The following C11orf21 variants were observed in gnomAD, a reference collection of about 807,000 sequenced individuals.
C11orf21 encodes chromosome 11 open reading frame 21, also known as uncharacterized protein C11orf21.
In C11orf21, 19 loss-of-function variants were observed where a neutral mutation model predicts 15.2. That is an observed-to-expected ratio of 1.25 (90% CI 0.87 to 1.84). The LOEUF is 1.84. C11orf21 is among the 40% of genes most tolerant of loss of function. The pLI, the probability that C11orf21 is intolerant of heterozygous loss-of-function variation, is 0.00. For missense variants in C11orf21, 171 were observed against 174.4 expected (o/e 0.98, Z 0.11); for synonymous variants, 62 against 66.8 (o/e 0.93, Z 0.35).
chr11:2,298,641 G>A (rs1021553433), intron 3 of C11orf21, among the ~76,000 whole-genome samples: 1 of 152,134 alleles, frequency 6.6e-6, no homozygotes, highest in Non-Finnish European at 1.5e-5. Context: ...CCACCCCCAC[G>A]GGGTGCCGAG....
chr11:2,302,274 G>A (rs1185261477), upstream of C11orf21: 3 of 1,330,478 alleles, frequency 2.3e-6, no homozygotes, highest in African/African-American at 1.5e-5. Context: ...GGTGAGGGGT[G>A]GCAGGGCCTC....
In C11orf21 at chr11:2,299,523, A is replaced by C; in HGVS notation, c.332T>G (p.Leu111Ter). 3.2e-6 allele frequency: 5 copies of C among 1,550,590 alleles called. No individual in the cohort carries two copies. The highest frequency in any genetic ancestry group is 4.4e-6 in the Non-Finnish European group (5 of 1,146,972). Reference protein sequence around the residue: ...LAIRLGWDLDLEAGPSSGKLC... With the variant: ...LAIRLGWDLD ...CTTTCCAGAGGAGGGGCCTGCTTCT[A>C]AGTCCAAGTCCCATCCCAGCCGGAT... Residue 111 changes from leucine (L) to a stop codon, truncating the protein, a stop_gained, in exon 3 of 4, where the codon TTA becomes TGA. Coordinates refer to ENST00000381153, the MANE Select transcript of C11orf21 (RefSeq NM_001329958.2). LOFTEE classifies it high-confidence loss of function.
chr11:2,301,629 T>C, intron 1 of C11orf21, 127 bp downstream of exon 1: 1 of 788,812 alleles, frequency 1.3e-6, no homozygotes, highest in East Asian at 2.8e-5. Flanking sequence ...TCACAGGACA[T>C]TTCAAAGGGT....
At chr11:2,302,006 C>T (rs367779477), upstream of C11orf21, 76 of 1,508,060 alleles carry the variant, frequency 5.0e-5, no homozygotes, top group African/African-American at 7.7e-4. Flanking sequence ...CCCAGCAGCT[C>T]GGTCCTAGGG....
At position 2,297,518 on chromosome 11, in the gene C11orf21, T is replaced by C. The variant is rs1403519627; in HGVS notation, c.*432A>G. On this transcript the variant is annotated 3_prime_UTR_variant, in exon 4 of 4. Coordinates refer to ENST00000381153, the MANE Select transcript of C11orf21 (RefSeq NM_001329958.2). The stretch of plus-strand genomic sequence containing the variant: ...CCCGAGGCTCCCCAGGTTCACCCCA[T>C]GCCAGCCTCAGCCCAACAAGGCCTG... The C allele has an allele frequency of 2.6e-5, 4 of 152,370 alleles. No individual in the cohort carries two copies. Among genetic ancestry groups the C allele is most frequent in the Non-Finnish European group, 5.9e-5 (4 of 68,154 alleles). 9.4% of individuals were successfully genotyped at this position (152,370 alleles called of 1,614,324 possible). A position where few individuals can be genotyped will look rare whatever the true frequency, so the allele number is the denominator to read the frequency against.
At position 2,299,534 on chromosome 11, in the gene C11orf21, C is replaced by G. The variant is rs1214019745; in HGVS notation, c.321G>C (p.Trp107Cys). 1 of 1,550,660 alleles carries G rather than the reference C, an allele frequency of 6.4e-7. No individual in the cohort carries two copies. The highest frequency in any genetic ancestry group is 8.7e-7 in the Non-Finnish European group (1 of 1,146,972). The change falls in exon 3 of 4, where the codon TGG becomes TGC. Residue 107 changes from tryptophan (W) to cysteine (C), a missense_variant. Transcript: ENST00000381153. Reference protein sequence around the residue: ...GQLPLAIRLGWDLDLEAGPSS... With the variant: ...GQLPLAIRLGCDLDLEAGPSS... ...AGGGGCCTGCTTCTAAGTCCAAGTC[C>G]CATCCCAGCCGGATAGCCAGGGGCA...
At chr11:2,301,479 G>A in intron 1 of C11orf21, 1 of 369,836 alleles carries the variant, frequency 2.7e-6, no homozygotes, top group East Asian at 4.3e-5. Flanking sequence ...GGTTTACAAA[G>A]CCTCCCCCTG....
At chr11:2,299,160 A>C (rs954345630) in intron 3 of C11orf21, among the ~76,000 whole-genome samples, 5 of 152,180 alleles carry the variant, frequency 3.3e-5, no homozygotes, top group Non-Finnish European at 7.4e-5. Context: ...GGCCTAGGGT[A>C]ATCCAGAAGG....
At chr11:2,298,870 G>A (rs1847597480) in intron 3 of C11orf21, among the ~76,000 whole-genome samples, 1 of 151,464 alleles carries the variant, frequency 6.6e-6, no homozygotes, top group South Asian at 2.1e-4. Context: ...TGCCCTCACT[G>A]AGGGCAGAGC....
chr11:2,302,022 T>C (rs779543727), upstream of C11orf21: 56 of 1,492,366 alleles, frequency 3.8e-5, no homozygotes, highest in Non-Finnish European at 4.9e-5. Context: ...TAGGGCGATG[T>C]TGACAGACAG....
intron 3 of C11orf21, 62 bp from the exon 4 acceptor site, chr11:2,297,983 G>A (rs1284344659): frequency 6.6e-6 from 1 of 152,212 alleles, no homozygotes; most frequent in Non-Finnish European, 1.5e-5. Flanking sequence ...CTTGGTATAA[G>A]GGCACTAATC....
At position 2,299,617 on chromosome 11, in the gene C11orf21, C is replaced by G; in HGVS notation, c.238G>C (p.Asp80His). 1 of 1,551,138 alleles carries G rather than the reference C, an allele frequency of 6.4e-7. No homozygotes were observed. Among genetic ancestry groups the G allele is most frequent in the Non-Finnish European group, 8.7e-7 (1 of 1,146,982 alleles). ...VPPATAHEPVDHPALHWLACC... is the reference protein window; with the variant it reads ...VPPATAHEPVHHPALHWLACC... ...GCAAGCCAGTGCAGAGCTGGGTGATCCACAGGTTCATGAGCGGTGGCAGGT... is the reference window on the plus strand; with the variant it reads ...GCAAGCCAGTGCAGAGCTGGGTGATGCACAGGTTCATGAGCGGTGGCAGGT... The change falls in exon 3 of 4, where the codon GAT becomes CAT. Residue 80 changes from aspartate (D) to histidine (H), a missense_variant. Coordinates refer to ENST00000381153, the MANE Select transcript of C11orf21 (RefSeq NM_001329958.2).
chr11:2,300,758 G>C (rs1417649641), intron 1 of C11orf21, 145 bp from the exon 2 acceptor site: 1 of 1,550,718 alleles, frequency 6.4e-7, no homozygotes, highest in Non-Finnish European at 8.7e-7. Context: ...CAAGGTTGGA[G>C]AGAGACAATT....
upstream of C11orf21, chr11:2,302,230 G>A (rs2234287): frequency 3.8e-4 from 526 of 1,395,060 alleles, 5 homozygotes; most frequent in Admixed American, 4.3e-4. Context: ...CAGGCAGGTC[G>A]GGCAGGAGTG....
upstream of C11orf21, chr11:2,303,092 G>GCCCCT: frequency 2.6e-6 from 2 of 778,156 alleles, no homozygotes; most frequent in Non-Finnish European, 4.1e-6. Context: ...TCAGGGGCAG[G>GCCCCT]GAGGGGCTGC....
Position 2,296,769 on chromosome 11 carries a change from C to A in C11orf21, c.*1181G>T, listed in dbSNP as rs1772753868. The stretch of plus-strand genomic sequence containing the variant: ...CTGCCGGTGCCAGTTGCCATCTCAG[C>A]CACAGGCCCGGGGCCTCGTGGCCAC... On this transcript the variant is annotated 3_prime_UTR_variant, in exon 4 of 4. Transcript: ENST00000381153. The surrounding 1 kb of genome is among the most constrained non-coding windows in gnomAD (Gnocchi z 5.6). 1 of 152,336 alleles carries A rather than the reference C, an allele frequency of 6.6e-6. No individual in the cohort carries two copies. Among genetic ancestry groups the A allele is most frequent in the Non-Finnish European group, 1.5e-5 (1 of 68,138 alleles). 9.4% of individuals were successfully genotyped at this position (152,336 alleles called of 1,614,324 possible). A position where few individuals can be genotyped will look rare whatever the true frequency, so the allele number is the denominator to read the frequency against.
chr11:2,299,310 A>G, intron 3 of C11orf21, 118 bp downstream of exon 3: 4 of 1,126,056 alleles, frequency 3.6e-6, no homozygotes, highest in Middle Eastern at 5.9e-4. Context: ...TTCAAGCTCC[A>G]GGCCCCACTC....
intron 1 of C11orf21, chr11:2,301,153 G>C (rs77781009): frequency 7.5e-6 from 2 of 265,260 alleles, no homozygotes; most frequent in East Asian, 1.1e-4. Flanking sequence ...GTTCCTGAGC[G>C]GGCGGCAGCT....
upstream of C11orf21, chr11:2,302,916 G>A (rs1458546470): frequency 1.2e-6 from 2 of 1,613,722 alleles, no homozygotes; most frequent in African/African-American, 1.3e-5. Flanking sequence ...CATCCGCCGA[G>A]CGTCCCTGGA....
Sources: allele counts gnomAD v4.1 joint callset (sites outside exome capture counted in the v4.1 genomes callset), GRCh38; gene constraint gnomAD v4.1.1; non-coding constraint Gnocchi (gnomAD v3.1); transcripts MANE v1.5; gene names NCBI Gene and HGNC (gene_info 2026-07-23, HGNC 2026-07-21).